Variants in DLG2 observed in about 807,000 individuals in gnomAD.
DLG2 encodes discs large MAGUK scaffold protein 2, also known as disks large homolog 2.
A neutral mutation model predicts 132.5 loss-of-function variants in DLG2; 45 were observed. The ratio of observed to expected loss-of-function variants is 0.34; its 90% CI spans 0.27 to 0.44. The LOEUF (loss-of-function observed/expected upper bound fraction) is 0.44, where lower values mean the gene tolerates loss of function less well. DLG2 is among the 20% of genes least tolerant of loss of function. The pLI is 1.00. For missense variants in DLG2, 1,045 were observed against 1,196.9 expected (o/e 0.87, Z 1.87); for synonymous variants, 424 against 419.6 (o/e 1.01, Z -0.13).
At chr11:83,631,749 G>A (rs951572818) in intron 19 of DLG2, 3 of 152,038 alleles carry the variant, frequency 2.0e-5, no homozygotes, top group South Asian at 4.2e-4. Context: ...TTTTCCCTCC[G>A]AGCTTTATTA....
intron 7 of DLG2, among the ~76,000 whole-genome samples, chr11:84,525,846 C>A (rs760399347): frequency 1.3e-5 from 2 of 152,182 alleles, no homozygotes; most frequent in Non-Finnish European, 2.9e-5. Flanking sequence ...TCCTAGCCAA[C>A]TACTTGGCAA....
At chr11:83,499,546 C>T (rs1030018022) in intron 21 of DLG2, among the ~76,000 whole-genome samples, 3 of 151,374 alleles carry the variant, frequency 2.0e-5, no homozygotes, top group South Asian at 2.1e-4. Flanking sequence ...ACCATTTATT[C>T]GTAATTAATA....
chr11:84,611,034 C>CACACACACAT (rs2099594605), intron 6 of DLG2, among the ~76,000 whole-genome samples: 1 of 150,242 alleles, frequency 6.7e-6, no homozygotes, highest in African/African-American at 2.4e-5. Flanking sequence ...TACACACACA[C>CACACACACAT]ACACACACAC....
chr11:84,001,161 C>T (rs941732426), intron 11 of DLG2, among the ~76,000 whole-genome samples: 4 of 151,694 alleles, frequency 2.6e-5, no homozygotes, highest in Admixed American at 1.3e-4. Flanking sequence ...TGAAAGGTTA[C>T]AAAAACATGA....
chr11:84,985,082 G>A (rs2056302183), intron 6 of DLG2, among the ~76,000 whole-genome samples: 1 of 152,134 alleles, frequency 6.6e-6, no homozygotes, highest in Non-Finnish European at 1.5e-5. Context: ...AAGACAGAAA[G>A]TTAACGAAGA....
chr11:84,054,609 A>G (rs182805821), intron 11 of DLG2, among the ~76,000 whole-genome samples: 1 of 152,190 alleles, frequency 6.6e-6, no homozygotes, highest in East Asian at 1.9e-4. Flanking sequence ...ATGGCTATAA[A>G]TCACCAATGA....
chr11:84,482,494 T>C (rs988615889), intron 7 of DLG2, among the ~76,000 whole-genome samples: 1 of 152,222 alleles, frequency 6.6e-6, no homozygotes, highest in African/African-American at 2.4e-5. Context: ...TAATAAAACC[T>C]TGAGCAAGCT....
intron 7 of DLG2, among the ~76,000 whole-genome samples, chr11:84,527,884 T>G (rs1283259668): frequency 1.4e-5 from 2 of 140,794 alleles, no homozygotes; most frequent in African/African-American, 5.3e-5. Flanking sequence ...AGCAGTTAAC[T>G]CCCTCCCTTT....
At chr11:84,403,900 A>G (rs948281041) in intron 7 of DLG2, among the ~76,000 whole-genome samples, 5 of 152,194 alleles carry the variant, frequency 3.3e-5, no homozygotes, top group Non-Finnish European at 7.3e-5. Flanking sequence ...TTCTTTTCAA[A>G]GCCAAGTCCA....
At chr11:85,257,176 A>G (rs2076714434) in intron 4 of DLG2, among the ~76,000 whole-genome samples, 1 of 152,344 alleles carries the variant, frequency 6.6e-6, no homozygotes, top group South Asian at 2.1e-4. Flanking sequence ...ACCTAGACAC[A>G]TTTACTTAGT....
chr11:84,676,749 T>C (rs1339402988), intron 6 of DLG2, among the ~76,000 whole-genome samples: 1 of 152,116 alleles, frequency 6.6e-6, no homozygotes, highest in African/African-American at 2.4e-5. Context: ...CAGCCATCAA[T>C]ATAATATATT....
intron 6 of DLG2, among the ~76,000 whole-genome samples, chr11:84,726,846 A>G (rs961498453): frequency 7.9e-5 from 12 of 152,138 alleles, no homozygotes; most frequent in Non-Finnish European, 1.5e-4. Context: ...GCATTTCTCT[A>G]ATAACCAGTG....
rs750093094 is a variant in DLG2, at chr11:83,461,930, A to C, written c.2821+72T>G. The stretch of plus-strand genomic sequence containing the variant: ...TTTAGGGCACAAGTACACCAGGCCC[A>C]GAACCCTCTCTGTGCCAAATGTCAG... On this transcript the variant is annotated intron_variant, in intron 27 of 27. Coordinates refer to ENST00000376104, the MANE Select transcript of DLG2 (RefSeq NM_001142699.3). The C allele has an allele frequency of 7.6e-6, 8 of 1,048,034 alleles. No individual in the cohort carries two copies. The South Asian group carries it at 1.0e-4, about 13-fold the overall frequency. The allele number at this position is 1,048,034 out of a possible 1,614,324, so 64.9% of individuals were successfully genotyped here. A position where few individuals can be genotyped will look rare whatever the true frequency, so the allele number is the denominator to read the frequency against.
chr11:84,995,649 AC>A (rs1254210635), intron 6 of DLG2, among the ~76,000 whole-genome samples: 2 of 152,206 alleles, frequency 1.3e-5, no homozygotes, highest in Admixed American at 6.6e-5. Context: ...AATTCTTGGA[AC>A]ATTTGAGAGA....
At chr11:84,755,435 T>C (rs906848101) in intron 6 of DLG2, among the ~76,000 whole-genome samples, 1 of 1,630 alleles carries the variant, frequency 6.1e-4, no homozygotes, top group Non-Finnish European at 9.3e-3. Context: ...TTTGTTTTGT[T>C]TTTTTTGAGA....
At chr11:84,882,776 A>G (rs1046206569) in intron 6 of DLG2, among the ~76,000 whole-genome samples, 1 of 152,092 alleles carries the variant, frequency 6.6e-6, no homozygotes, top group Non-Finnish European at 1.5e-5. Flanking sequence ...TTAAAAATTA[A>G]AGAATCCTTG....
At chr11:84,387,598 A>AT (rs1364999373) in intron 7 of DLG2, among the ~76,000 whole-genome samples, 3 of 152,158 alleles carry the variant, frequency 2.0e-5, no homozygotes, top group African/African-American at 7.2e-5. Flanking sequence ...CAAAAGCTAA[A>AT]TGAGAGACAA....
chr11:84,374,704 C>T (rs777809026), intron 7 of DLG2, among the ~76,000 whole-genome samples: 11 of 152,112 alleles, frequency 7.2e-5, no homozygotes, highest in African/African-American at 2.7e-4. Context: ...ATCTCTCTGC[C>T]TACAGTCCCT....
chr11:84,096,254 T>TTGTG (rs143242289), intron 10 of DLG2, among the ~76,000 whole-genome samples: 212 of 150,390 alleles, frequency 1.4e-3, no homozygotes, highest in African/African-American at 4.9e-3. Flanking sequence ...AAGTAGAAGA[T>TTGTG]TGTGTGTGTG....
Sources: allele counts gnomAD v4.1 joint callset (sites outside exome capture counted in the v4.1 genomes callset), GRCh38; gene constraint gnomAD v4.1.1; transcripts MANE v1.5; gene names NCBI Gene and HGNC (gene_info 2026-07-23, HGNC 2026-07-21).